Variants in MYH10 observed in about 807,000 individuals in gnomAD.
MYH10 encodes the protein myosin-10.
In MYH10, 55 loss-of-function variants were observed where a neutral mutation model predicts 257.8. That is an observed-to-expected ratio of 0.21 (90% CI 0.17 to 0.27). The LOEUF is 0.27. Ranked by LOEUF, MYH10 falls within the 10% of genes least tolerant of loss-of-function variation. The pLI is 1.00. For synonymous variants in MYH10, 854 were observed against 921.7 expected (o/e 0.93, Z 1.33); for missense variants, 1,631 against 2,500.6 (o/e 0.65, Z 7.42).
intron 3 of MYH10, among the ~76,000 whole-genome samples, chr17:8,597,723 C>T (rs1314940373): frequency 2.0e-5 from 3 of 151,488 alleles, no homozygotes. Flanking sequence ...AAGGGATTCT[C>T]CTTGTCTCAG....
intron 3 of MYH10, among the ~76,000 whole-genome samples, chr17:8,590,050 G>A (rs1597909343): frequency 6.6e-6 from 1 of 152,286 alleles, no homozygotes. Context: ...GAAAGGAACT[G>A]AGCTCACAAG....
intron 16 of MYH10, among the ~76,000 whole-genome samples, chr17:8,530,935 C>A (rs1310678181): frequency 6.6e-6 from 1 of 152,080 alleles, no homozygotes; most frequent in African/African-American, 2.4e-5. Flanking sequence ...TATATGATAT[C>A]AATGTCAAAT....
chr17:8,577,200 G>A (rs958528147), intron 5 of MYH10, 36 bp downstream of exon 5: 15 of 1,494,304 alleles, frequency 1.0e-5, no homozygotes, highest in Non-Finnish European at 1.4e-5. Flanking sequence ...TATAAAAGAA[G>A]AAGAAGATTT....
intron 2 of MYH10, among the ~76,000 whole-genome samples, chr17:8,611,758 T>C (rs1313347358): frequency 6.6e-6 from 1 of 152,078 alleles, no homozygotes; most frequent in Non-Finnish European, 1.5e-5. Context: ...GAGACCCAGA[T>C]GGGACGAGGT....
intron 4 of MYH10, among the ~76,000 whole-genome samples, chr17:8,581,138 G>A (rs892059718): frequency 4.6e-5 from 7 of 152,030 alleles, no homozygotes; most frequent in Middle Eastern, 3.2e-3. Context: ...AGGGAGTGGC[G>A]AGAGAGGCAG....
intron 16 of MYH10, among the ~76,000 whole-genome samples, chr17:8,532,975 C>T (rs1053403336): frequency 2.0e-5 from 3 of 152,076 alleles, no homozygotes; most frequent in African/African-American, 7.2e-5. Flanking sequence ...ACTTAATTTC[C>T]ATGCTTATAA....
At chr17:8,595,946 C>G (rs943570781) in intron 3 of MYH10, among the ~76,000 whole-genome samples, 1 of 152,118 alleles carries the variant, frequency 6.6e-6, no homozygotes, top group Admixed American at 6.5e-5. Flanking sequence ...CTACTTTAGG[C>G]TGAAGTGACT....
At chr17:8,617,932 A>T (rs1036016822) in intron 2 of MYH10, among the ~76,000 whole-genome samples, 2 of 152,222 alleles carry the variant, frequency 1.3e-5, no homozygotes, top group Non-Finnish European at 2.9e-5. Context: ...CAATAAATAC[A>T]TTACATGTTA....
Position 8,576,230 on chromosome 17 carries a change from A to C in MYH10, c.663+413T>G, listed in dbSNP as rs549710734. 5.9e-5 allele frequency among the ~76,000 whole-genome samples: 9 copies of C among 152,328 alleles called. No homozygotes were observed. In the East Asian group the frequency reaches 1.7e-3, roughly 29 times the overall value. On this transcript the variant is annotated intron_variant, in intron 6 of 42. Transcript: ENST00000360416. The stretch of plus-strand genomic sequence containing the variant: ...CTATGCCATGCCATAAAACTTTAAC[A>C]GATCAGAAATTTGTTAGCTCTAAAG...
rs1323036834 is a variant in MYH10 at position 8,513,651 on chromosome 17, C to T, written c.2632G>A (p.Val878Met). ...TGAAGTTCTTCCTCCTGGCGAGTCA[C>T]TTGTAGAAGCGGCTTCACCTATGAC... Reference protein sequence around the residue: ...VFTKVKPLLQVTRQEEELQAK... With the variant: ...VFTKVKPLLQMTRQEEELQAK... The change falls in exon 23 of 43, where the codon GTG (valine) becomes ATG (methionine). Residue 878 changes from valine (V) to methionine (M), a missense_variant. This residue lies in a region of MYH10 where 116 missense variants were observed against 221.6 expected (regional missense o/e 0.52). Transcript: ENST00000360416. The T allele has an allele frequency of 6.2e-7, 1 of 1,613,910 alleles. No homozygotes were observed. The highest frequency in any genetic ancestry group is 1.7e-5 in the Admixed American group (1 of 60,014).
chr17:8,593,957 T>C (rs535254555), intron 3 of MYH10, among the ~76,000 whole-genome samples: 1 of 152,240 alleles, frequency 6.6e-6, no homozygotes, highest in African/African-American at 2.4e-5. Flanking sequence ...ACTAAGCCAG[T>C]GTGATACTGG....
chr17:8,624,476 A>C (rs2085594499), intron 1 of MYH10, among the ~76,000 whole-genome samples: 1 of 152,204 alleles, frequency 6.6e-6, no homozygotes, highest in African/African-American at 2.4e-5. Context: ...AAGCCAACTG[A>C]GTACCTACTC....
Position 8,535,941 on chromosome 17 carries a change from A to ACAGG in MYH10, c.1606-14_1606-11dup. 6.2e-7 allele frequency: 1 copy of ACAGG among 1,609,938 alleles called. No homozygotes were observed. The highest frequency in any genetic ancestry group is 8.5e-7 in the Non-Finnish European group (1 of 1,177,628). On this transcript the variant is annotated splice_polypyrimidine_tract_variant and intron_variant, in intron 14 of 42. Transcript: ENST00000360416. The surrounding 1 kb of genome is among the most constrained non-coding windows in gnomAD (Gnocchi z 4.3). ...CACCAGGAGGGTTCGCCTGATAATG[A>ACAGG]CAGGCAATAAGAATTCACAAGTTTT...
intron 30 of MYH10, among the ~76,000 whole-genome samples, chr17:8,496,760 C>T (rs866388901): frequency 5.1e-4 from 77 of 152,340 alleles, no homozygotes; most frequent in Admixed American, 4.6e-3. Context: ...GGCCTGCTTG[C>T]GATGTTGACC....
chr17:8,481,768 G>T (rs764109773), intron 37 of MYH10, among the ~76,000 whole-genome samples: 4 of 152,206 alleles, frequency 2.6e-5, no homozygotes, highest in African/African-American at 9.6e-5. Flanking sequence ...TAAGAAACAT[G>T]AGCTATACCA....
At chr17:8,489,656 A>G (rs1915420866) in intron 35 of MYH10, among the ~76,000 whole-genome samples, 1 of 149,618 alleles carries the variant, frequency 6.7e-6, no homozygotes, top group South Asian at 2.1e-4. Flanking sequence ...GTGAGCCAAG[A>G]TCGTGCCACT....
chr17:8,480,024 G>A, intron 40 of MYH10, 86 bp downstream of exon 40: 1 of 1,311,992 alleles, frequency 7.6e-7, no homozygotes, highest in Non-Finnish European at 1.1e-6. Flanking sequence ...ACGTGGTGGG[G>A]AGCCCCCCCG....
chr17:8,505,048 T>A, intron 27 of MYH10, 142 bp from the exon 28 acceptor site: 1 of 705,224 alleles, frequency 1.4e-6, no homozygotes, highest in South Asian at 1.7e-5. Flanking sequence ...CTGGTGCAGA[T>A]GCTCAGCACC....
At position 8,520,997 on chromosome 17, in the gene MYH10, A is replaced by C. The variant is rs753909926; in HGVS notation, c.2154T>G (p.Ala718=). 6.2e-7 allele frequency: 1 copy of C among 1,610,968 alleles called. No individual in the cohort carries two copies. The highest frequency in any genetic ancestry group is 1.1e-5 in the South Asian group (1 of 90,952). ...RCIIPNHEKR[A]GKLDPHLVLD... ...GGACTAGGTGTGGATCCAATTTTCC[A>C]GCCTAATCAAGCAAACAATAGTTTC... The change falls in exon 19 of 43, where the codon GCT becomes GCG. Residue 718 remains alanine, a splice_region_variant and synonymous_variant. Transcript: ENST00000360416.
Sources: gnomAD v4.1 joint callset for allele counts (sites outside exome capture counted in the v4.1 genomes callset) on GRCh38, gnomAD v4.1.1 for gene constraint, gnomAD v4.1.1 regional missense constraint, Gnocchi (gnomAD v3.1) non-coding constraint, MANE v1.5 for transcripts, NCBI Gene and HGNC (gene_info 2026-07-23, HGNC 2026-07-21) for gene names.